The following ADAMTS17 variants were observed in gnomAD, a reference collection of about 807,000 sequenced individuals.
ADAMTS17 encodes the protein A disintegrin and metalloproteinase with thrombospondin motifs 17.
In ADAMTS17, 113 loss-of-function variants were observed where a neutral mutation model predicts 141.5. That is an observed-to-expected ratio of 0.80 (90% confidence interval 0.69 to 0.93). ADAMTS17 has a LOEUF of 0.93. ADAMTS17 is among the 40% of genes least tolerant of loss of function. The pLI is 0.00. For missense variants in ADAMTS17, 1,659 were observed against 1,517.9 expected (o/e 1.09, Z -1.54); for synonymous variants, 768 against 630.6 (o/e 1.22, Z -3.27).
intron 8 of ADAMTS17, among the ~76,000 whole-genome samples, chr15:100,166,255 T>G (rs1029847566): frequency 1.3e-5 from 2 of 152,248 alleles, no homozygotes; most frequent in African/African-American, 4.8e-5. Flanking sequence ...AACTACAGAT[T>G]GCTGCATGTT....
chr15:100,125,069 C>T (rs1354424866), intron 12 of ADAMTS17, among the ~76,000 whole-genome samples: 1 of 152,192 alleles, frequency 6.6e-6, no homozygotes, highest in Non-Finnish European at 1.5e-5. Flanking sequence ...AACAGCAGTT[C>T]GGACCAGCTT....
At chr15:100,157,949 C>A (rs2039511889) in intron 8 of ADAMTS17, among the ~76,000 whole-genome samples, 1 of 149,280 alleles carries the variant, frequency 6.7e-6, no homozygotes, top group Non-Finnish European at 1.5e-5. Context: ...AGTGCAGTGG[C>A]AGAATCTCGG....
intron 8 of ADAMTS17, among the ~76,000 whole-genome samples, chr15:100,171,407 T>C (rs78785312): frequency 6.6e-6 from 1 of 152,234 alleles, no homozygotes; most frequent in South Asian, 2.1e-4. Flanking sequence ...TCCTCCTCCA[T>C]CCCACCTCGC....
chr15:99,980,601 C>G (rs2060465129), intron 20 of ADAMTS17: 1 of 152,258 alleles, frequency 6.6e-6, no homozygotes, highest in African/African-American at 2.4e-5. Flanking sequence ...GGTGTCCGTG[C>G]CCTGCCAGCT....
intron 4 of ADAMTS17, among the ~76,000 whole-genome samples, chr15:100,272,738 G>C (rs2043958281): frequency 6.6e-6 from 1 of 151,128 alleles, no homozygotes; most frequent in East Asian, 1.9e-4. Flanking sequence ...ATGTTGAACA[G>C]AAGTAGCAAA....
rs73474441 is a variant in ADAMTS17 at position 100,063,606 on chromosome 15, A to C, written c.2138-9552T>G. 6.1e-3 allele frequency: 7,601 copies of C among 1,251,092 alleles called. 395 individuals are homozygous for C. The African/African-American group carries it at 0.11, about 17-fold the overall frequency. The allele number at this position is 1,251,092 out of a possible 1,614,324, so 77.5% of individuals were successfully genotyped here. A position where few individuals can be genotyped will look rare whatever the true frequency, so the allele number is the denominator to read the frequency against. ...CATAACCCGGGAGGAATGACACTGA[A>C]CCAATTTACCAGACTGATCATCAAA... On this transcript the variant is annotated intron_variant, in intron 15 of 21. Coordinates refer to ENST00000268070, the MANE Select transcript of ADAMTS17 (RefSeq NM_139057.4).
At chr15:100,208,022 C>T (rs1311583380) in intron 7 of ADAMTS17, among the ~76,000 whole-genome samples, 1 of 152,158 alleles carries the variant, frequency 6.6e-6, no homozygotes, top group East Asian at 1.9e-4. Context: ...AGGCTAAAAT[C>T]ATCTCTTCAA....
intron 20 of ADAMTS17, among the ~76,000 whole-genome samples, chr15:99,991,819 A>G (rs1333543728): frequency 1.3e-5 from 2 of 152,362 alleles, no homozygotes; most frequent in South Asian, 4.1e-4. Context: ...TGGCACATAT[A>G]TACCACGGAA....
chr15:100,054,151 G>T, intron 15 of ADAMTS17, 97 bp from the exon 16 acceptor site: 1 of 1,411,674 alleles, frequency 7.1e-7, no homozygotes, highest in Non-Finnish European at 1.0e-6. Context: ...GTGGGGCAGA[G>T]GTCTCCCTTC....
At chr15:100,152,473 TA>T in intron 10 of ADAMTS17, 138 bp downstream of exon 10, 2 of 1,128,852 alleles carry the variant, frequency 1.8e-6, no homozygotes, top group Non-Finnish European at 2.6e-6. Flanking sequence ...TGTGTGTGCA[TA>T]TACATGTATA....
chr15:100,278,277 C>T (rs1482829869), intron 4 of ADAMTS17, among the ~76,000 whole-genome samples: 1 of 145,656 alleles, frequency 6.9e-6, no homozygotes, highest in Admixed American at 6.9e-5. Flanking sequence ...AGCTGGTCCA[C>T]ATAAAAATGG....
In ADAMTS17 at chr15:100,248,082, G is replaced by A. The variant is rs561424056; in HGVS notation, c.1075+6054C>T. Among the ~76,000 whole-genome samples, 62 of 152,120 alleles carry A rather than the reference G, an allele frequency of 4.1e-4. 1 individual carries two copies. Among genetic ancestry groups the A allele is most frequent in the South Asian group, 3.5e-3 (17 of 4,820 alleles). ...CAAGCCACAGCCGCTGGGCCCCAGC[G>A]CACAGACCAGACTCCAAGCTCCTCC... On this transcript the variant is annotated intron_variant, in intron 7 of 21. Transcript: ENST00000268070.
chr15:100,054,200 G>C (rs371259951), intron 15 of ADAMTS17, 146 bp from the exon 16 acceptor site: 13 of 911,918 alleles, frequency 1.4e-5, no homozygotes, highest in East Asian at 7.4e-5. Flanking sequence ...GAGAGAAGGC[G>C]AGTGCTCTGT....
intron 8 of ADAMTS17, among the ~76,000 whole-genome samples, chr15:100,170,800 A>C (rs971526529): frequency 8.5e-5 from 13 of 152,232 alleles, no homozygotes; most frequent in Non-Finnish European, 7.3e-5. Context: ...ATTCCTTGGA[A>C]GCTGAGATTG....
At chr15:100,042,816 A>T (rs1325903478) in intron 18 of ADAMTS17, among the ~76,000 whole-genome samples, 1 of 152,208 alleles carries the variant, frequency 6.6e-6, no homozygotes, top group East Asian at 1.9e-4. Flanking sequence ...AAGCAACTTA[A>T]AACTGATGAA....
intron 18 of ADAMTS17, among the ~76,000 whole-genome samples, chr15:100,031,501 G>A (rs2030161144): frequency 1.3e-5 from 2 of 152,208 alleles, no homozygotes; most frequent in African/African-American, 4.8e-5. Flanking sequence ...TCTACCTAGA[G>A]AGGGTGAATG....
chr15:100,161,717 T>G (rs1437136849), intron 8 of ADAMTS17, among the ~76,000 whole-genome samples: 1 of 152,184 alleles, frequency 6.6e-6, no homozygotes, highest in Non-Finnish European at 1.5e-5. Flanking sequence ...CCCCCAGTCT[T>G]GAGCTACTCA....
At position 100,206,953 on chromosome 15, in the gene ADAMTS17, G is replaced by A. The variant is rs569269021; in HGVS notation, c.1076-7530C>T. Among the ~76,000 whole-genome samples, 11 of 152,326 alleles carry A rather than the reference G, an allele frequency of 7.2e-5. No individual in the cohort carries two copies. The South Asian group carries it at 1.7e-3, about 23-fold the overall frequency. ...GGCTGCTCAACTGTGATGACAGCCGGAGCCAGGAAGAAGGCAGAGTAGGGG... is the reference window on the plus strand; with the variant it reads ...GGCTGCTCAACTGTGATGACAGCCGAAGCCAGGAAGAAGGCAGAGTAGGGG... On this transcript the variant is annotated intron_variant, in intron 7 of 21. Coordinates refer to ENST00000268070, the MANE Select transcript of ADAMTS17 (RefSeq NM_139057.4).
chr15:100,149,383 CAT>C (rs1162664578), intron 10 of ADAMTS17, among the ~76,000 whole-genome samples: 1 of 152,200 alleles, frequency 6.6e-6, no homozygotes, highest in African/African-American at 2.4e-5. Flanking sequence ...CTTTGTCCTC[CAT>C]TTTAAAGTTT....
Sources: allele counts gnomAD v4.1 joint callset (sites outside exome capture counted in the v4.1 genomes callset), GRCh38; gene constraint gnomAD v4.1.1; transcripts MANE v1.5; gene names NCBI Gene and HGNC (gene_info 2026-07-23, HGNC 2026-07-21).